PRKN: variants seen among roughly 807,000 people sequenced by gnomAD.
PRKN encodes parkin RBR E3 ubiquitin protein ligase.
Under a neutral mutation model 59.5 loss-of-function variants are expected in PRKN, and 56 were observed. The observed-to-expected ratio is 0.94, with a 90% confidence interval of 0.76 to 1.18. The LOEUF is 1.18. Ranked by LOEUF, PRKN falls within the 50% of genes most tolerant of loss-of-function variation. The pLI, the probability that PRKN is intolerant of heterozygous loss-of-function variation, is 0.00. For missense variants in PRKN, 657 were observed against 596.4 expected, an observed-to-expected ratio of 1.10 and a Z score of -1.06; for synonymous variants, 250 against 222.1, an observed-to-expected ratio of 1.13 and a Z score of -1.12.
chr6:161,412,115 CCACT>C (rs1562430300), intron 9 of PRKN, among the ~76,000 whole-genome samples: 2 of 145,364 alleles, frequency 1.4e-5, no homozygotes, highest in African/African-American at 5.2e-5. Context: ...ACTCATTCCT[CCACT>C]CACTCATTCC....
At chr6:162,479,200 C>A (rs1460874170) in intron 1 of PRKN, among the ~76,000 whole-genome samples, 1 of 151,110 alleles carries the variant, frequency 6.6e-6, no homozygotes, top group African/African-American at 2.4e-5. Context: ...CTGTTTTCCA[C>A]CTTAAAAAAA....
At chr6:161,573,242 T>C (rs1302714899) in intron 7 of PRKN, among the ~76,000 whole-genome samples, 1 of 91,096 alleles carries the variant, frequency 1.1e-5, no homozygotes, top group Non-Finnish European at 2.2e-5. Flanking sequence ...CAAGCACTGC[T>C]TTAGTGTCAG....
At chr6:161,873,650 T>C (rs890982985) in intron 6 of PRKN, among the ~76,000 whole-genome samples, 3 of 151,722 alleles carry the variant, frequency 2.0e-5, no homozygotes, top group African/African-American at 7.3e-5. Flanking sequence ...ACAAAACAAG[T>C]CTGCCAGTTG....
At chr6:162,072,018 T>C (rs573491946) in intron 4 of PRKN, among the ~76,000 whole-genome samples, 3 of 152,328 alleles carry the variant, frequency 2.0e-5, no homozygotes, top group East Asian at 1.9e-4. Context: ...TTTTAAGTCA[T>C]TGATTTTTTA....
In PRKN at chr6:161,451,302, G is replaced by A. The variant is rs1031187215; in HGVS notation, c.1084-64425C>T. 1.3e-5 allele frequency among the ~76,000 whole-genome samples: 2 copies of A among 152,074 alleles called. No individual in the cohort carries two copies. The highest frequency in any genetic ancestry group is 2.4e-5 in the African/African-American group (1 of 41,388). ...CTCCAGTTTCTTCAATGACTTCCAC[G>A]AGAAGACCTCTCTGGAGAGGTCTGA... On this transcript the variant is annotated intron_variant, in intron 9 of 11. Coordinates refer to ENST00000366898, the MANE Select transcript of PRKN (RefSeq NM_004562.3). This position sits in a 1 kb window ranked among gnomAD's most constrained non-coding sequence, Gnocchi z 5.9.
At chr6:162,421,410 A>G (rs950763298) in intron 2 of PRKN, among the ~76,000 whole-genome samples, 1 of 152,224 alleles carries the variant, frequency 6.6e-6, no homozygotes, top group Non-Finnish European at 1.5e-5. Context: ...CAGTTGATGG[A>G]GCTAAGACCC....
At position 161,588,368 on chromosome 6, in the gene PRKN, G is replaced by A. The variant is rs1017485708; in HGVS notation, c.872-18952C>T. Among the ~76,000 whole-genome samples the A allele has an allele frequency of 2.2e-5, 3 of 136,274 alleles. No individual in the cohort carries two copies. The highest frequency in any genetic ancestry group is 2.2e-4 in the East Asian group (1 of 4,580). The allele number at this position is 136,274 out of a possible 152,430, so 89.4% of individuals were successfully genotyped here. On this transcript the variant is annotated intron_variant, in intron 7 of 11. Transcript: ENST00000366898. The surrounding 1 kb of genome is among the most constrained non-coding windows in gnomAD (Gnocchi z 5.0). ...GCATTCCAGCCTGGGCAACAAGAGCGAAACTCTGTCCCCTCGCCAAAAAAA... is the reference window on the plus strand; with the variant it reads ...GCATTCCAGCCTGGGCAACAAGAGCAAAACTCTGTCCCCTCGCCAAAAAAA...
intron 1 of PRKN, among the ~76,000 whole-genome samples, chr6:162,701,710 G>A (rs1293150992): frequency 6.6e-6 from 1 of 151,412 alleles, no homozygotes; most frequent in East Asian, 1.9e-4. Flanking sequence ...TGACATCAGT[G>A]TACAACTAGA....
At chr6:161,453,732 T>TCCCC (rs1789844811) in intron 9 of PRKN, among the ~76,000 whole-genome samples, 1 of 19,918 alleles carries the variant, frequency 5.0e-5, no homozygotes, top group African/African-American at 1.8e-4. Flanking sequence ...CCTCCCTCCC[T>TCCCC]CCCTCCCTTC....
chr6:161,953,511 C>A (rs1436625267), intron 6 of PRKN, among the ~76,000 whole-genome samples: 2 of 152,154 alleles, frequency 1.3e-5, no homozygotes, highest in Admixed American at 6.5e-5. Flanking sequence ...TAAATACAAA[C>A]AGCCAGGTTT....
chr6:161,669,165 G>C (rs1784823315), intron 7 of PRKN, among the ~76,000 whole-genome samples: 1 of 152,108 alleles, frequency 6.6e-6, no homozygotes, highest in Non-Finnish European at 1.5e-5. Context: ...CAAGGAAGTG[G>C]GCCCTCATCC....
chr6:161,766,315 T>A (rs973775697), intron 7 of PRKN, among the ~76,000 whole-genome samples: 26 of 38,398 alleles, frequency 6.8e-4, no homozygotes, highest in Non-Finnish European at 1.7e-3. Context: ...ATTGACCACA[T>A]TTTTTTTTTT....
At chr6:162,002,591 TTG>T (rs1191325240) in intron 5 of PRKN, among the ~76,000 whole-genome samples, 9 of 133,362 alleles carry the variant, frequency 6.7e-5, no homozygotes, top group Non-Finnish European at 1.1e-4. Flanking sequence ...ATTTTTTTTT[TTG>T]CTTCATTCAT....
chr6:161,994,861 T>G (rs1263116190), intron 5 of PRKN, among the ~76,000 whole-genome samples: 1 of 151,868 alleles, frequency 6.6e-6, no homozygotes, highest in African/African-American at 2.4e-5. Context: ...CGAATTAATA[T>G]TGTTAAAATG....
chr6:161,650,110 T>C (rs893484374), intron 7 of PRKN, among the ~76,000 whole-genome samples: 2 of 152,302 alleles, frequency 1.3e-5, no homozygotes, highest in African/African-American at 4.8e-5. Flanking sequence ...CTACAGGTCG[T>C]TCCAGATGAT....
rs1053199013 is a variant in PRKN at position 162,285,215 on chromosome 6, G to A, written c.172-22450C>T. 2.7e-5 allele frequency among the ~76,000 whole-genome samples: 4 copies of A among 148,886 alleles called. No individual in the cohort carries two copies. The Admixed American group carries it at 2.7e-4, about 10-fold the overall frequency. ...ATACAACATTTTACTGGTCCCTCTC[G>A]AATTCTATAGCAGCAGGCATGTATC... On this transcript the variant is annotated intron_variant, in intron 2 of 11. Coordinates refer to ENST00000366898, the MANE Select transcript of PRKN (RefSeq NM_004562.3).
intron 2 of PRKN, among the ~76,000 whole-genome samples, chr6:162,396,301 C>G: frequency 6.6e-6 from 1 of 152,176 alleles, no homozygotes; most frequent in East Asian, 1.9e-4. Flanking sequence ...ATGTGTTCCT[C>G]GTGTTTGAAC....
At chr6:161,877,416 A>G (rs6904517) in intron 6 of PRKN, among the ~76,000 whole-genome samples, 5 of 152,054 alleles carry the variant, frequency 3.3e-5, no homozygotes. Flanking sequence ...TGACTATTTT[A>G]AGCAAGACTA....
Position 161,951,115 on chromosome 6 carries a change from G to C in PRKN, c.734+22187C>G, listed in dbSNP as rs575678296. On this transcript the variant is annotated intron_variant, in intron 6 of 11. Transcript: ENST00000366898. ...AATATTTGTTCATAAGAATTCATGA[G>C]TAGGGTTTTTACGTTACTATTACTT... Among the ~76,000 whole-genome samples, 6 of 151,738 alleles carry C rather than the reference G, an allele frequency of 4.0e-5. No individual in the cohort carries two copies. In the South Asian group the frequency reaches 1.3e-3, roughly 32 times the overall value.
Sources: allele counts gnomAD v4.1 joint callset (sites outside exome capture counted in the v4.1 genomes callset), GRCh38; gene constraint gnomAD v4.1.1; non-coding constraint Gnocchi (gnomAD v3.1); transcripts MANE v1.5; gene names NCBI Gene and HGNC (gene_info 2026-07-23, HGNC 2026-07-21).